Variants in UTP6 observed in about 807,000 individuals in gnomAD.
The protein encoded by UTP6 is UTP6 small subunit processome component, also known as U3 small nucleolar RNA-associated protein 6 homolog.
UTP6 carries 60 observed loss-of-function variants against 96.5 expected under a neutral mutation model. The ratio of observed to expected loss-of-function variants is 0.62; its 90% confidence interval spans 0.51 to 0.77. The LOEUF is 0.77. Ranked by LOEUF, UTP6 falls within the 30% of genes least tolerant of loss-of-function variation. The probability of loss-of-function intolerance (pLI) is 0.00; values close to 1 mark genes in which losing one functional copy is unlikely to be tolerated. For synonymous variants in UTP6, 215 were observed against 240.1 expected (o/e 0.90, Z 0.96); for missense variants, 637 against 706.5 (o/e 0.90, Z 1.12).
intron 11 of UTP6, among the ~76,000 whole-genome samples, chr17:31,879,089 C>T (rs937889539): frequency 6.6e-6 from 1 of 152,116 alleles, no homozygotes; most frequent in African/African-American, 2.4e-5. Context: ...AAAATTAAAT[C>T]ACTTTCCAAA....
intron 17 of UTP6, among the ~76,000 whole-genome samples, chr17:31,866,993 T>G (rs1828889669): frequency 6.6e-6 from 1 of 151,698 alleles, no homozygotes; most frequent in African/African-American, 2.4e-5. Flanking sequence ...CACGGCATTA[T>G]GCAACGTCCT....
chr17:31,901,407 A>G, intron 1 of UTP6, 129 bp downstream of exon 1: 1 of 825,338 alleles, frequency 1.2e-6, no homozygotes, highest in Non-Finnish European at 2.0e-6. Flanking sequence ...ACCGAAAACG[A>G]GAAATGGGCT....
At chr17:31,895,098 A>C in intron 2 of UTP6, 87 bp from the exon 3 acceptor site, 1 of 966,228 alleles carries the variant, frequency 1.0e-6, no homozygotes, top group Non-Finnish European at 1.5e-6. Flanking sequence ...GTCATAAAAC[A>C]AAAATCGAGA....
Position 31,889,326 on chromosome 17 carries a change from C to G in UTP6, c.502G>C (p.Ala168Pro), listed in dbSNP as rs199527189. The change falls in exon 7 of 19, where the codon GCA becomes CCA. Residue 168 changes from alanine (A) to proline (P), a missense_variant. Ala to Pro is a conservative substitution (Grantham distance 27, BLOSUM62 -1). Coordinates refer to ENST00000261708, the MANE Select transcript of UTP6 (RefSeq NM_018428.3). ...GGGCACTCTGGATGAAAGCGCAGTGCGCGAAGAAATAGTTGCCTTGCGCTT... is the reference window on the plus strand; with the variant it reads ...GGGCACTCTGGATGAAAGCGCAGTGGGCGAAGAAATAGTTGCCTTGCGCTT... ...SESARQLFLR[A>P]LRFHPECPKL... The G allele has an allele frequency of 6.2e-7, 1 of 1,613,808 alleles. No homozygotes were observed. The highest frequency in any genetic ancestry group is 2.2e-5 in the East Asian group (1 of 44,866).
chr17:31,884,289 C>T (rs1911017008), intron 10 of UTP6, 135 bp downstream of exon 10: 3 of 679,234 alleles, frequency 4.4e-6, no homozygotes, highest in Non-Finnish European at 4.6e-6. Context: ...TGAGCCACTG[C>T]ACCCGGCCAA....
chr17:31,867,373 C>A (rs1167775664), intron 17 of UTP6, among the ~76,000 whole-genome samples: 1 of 151,528 alleles, frequency 6.6e-6, no homozygotes, highest in Non-Finnish European at 1.5e-5. Flanking sequence ...CAGGGCGTGG[C>A]AGCCCGTGCC....
At chr17:31,878,818 T>A (rs779020546) in intron 11 of UTP6, 37 bp from the exon 12 acceptor site, 2 of 1,581,480 alleles carry the variant, frequency 1.3e-6, no homozygotes, top group South Asian at 2.2e-5. Flanking sequence ...ATCAGATCAC[T>A]TAGTTCAACA....
intron 16 of UTP6, 21 bp from the exon 17 acceptor site, chr17:31,868,133 G>A (rs761434312): frequency 4.4e-6 from 7 of 1,605,730 alleles, no homozygotes; most frequent in East Asian, 2.2e-5. Flanking sequence ...AGGAGAAAAC[G>A]TTATCTTCAA....
At chr17:31,875,529 T>G (rs572547786) in intron 13 of UTP6, 116 bp from the exon 14 acceptor site, 2 of 1,246,084 alleles carry the variant, frequency 1.6e-6, no homozygotes, top group Admixed American at 5.4e-5. Context: ...CACTACAATT[T>G]AAAATAAAAA....
At chr17:31,886,198 T>C (rs1335802821) in intron 8 of UTP6, 137 bp from the exon 9 acceptor site, 2 of 659,336 alleles carry the variant, frequency 3.0e-6, no homozygotes, top group East Asian at 5.5e-5. Context: ...GCCAGTTCCC[T>C]CACTTGTAAA....
At chr17:31,898,066 C>A (rs753004345) in intron 2 of UTP6, among the ~76,000 whole-genome samples, 4 of 151,454 alleles carry the variant, frequency 2.6e-5, no homozygotes, top group African/African-American at 9.7e-5. Context: ...AATCTCTGAT[C>A]TACAAACCCA....
In UTP6 at chr17:31,863,283, A is replaced by T. The variant is rs1244510228; in HGVS notation, c.*76T>A. 3 of 1,498,714 alleles carry T rather than the reference A, an allele frequency of 2.0e-6. No homozygotes were observed. The highest frequency in any genetic ancestry group is 2.7e-6 in the Non-Finnish European group (3 of 1,094,772). The allele number at this position is 1,498,714 out of a possible 1,614,324, so 92.8% of individuals were successfully genotyped here. A position where few individuals can be genotyped will look rare whatever the true frequency, so the allele number is the denominator to read the frequency against. ...TGTCTGCCATCACTGAGCAAATTAC[A>T]GATGGACTCAATACAAATTTGCCCA... On this transcript the variant is annotated 3_prime_UTR_variant, in exon 19 of 19. Coordinates refer to ENST00000261708, the MANE Select transcript of UTP6 (RefSeq NM_018428.3).
Position 31,864,484 on chromosome 17 carries a change from C to T in UTP6, c.1636+882G>A, listed in dbSNP as rs149674560. Among the ~76,000 whole-genome samples, 23 of 152,302 alleles carry T rather than the reference C, an allele frequency of 1.5e-4. 1 individual carries two copies. Among genetic ancestry groups the T allele is most frequent in the African/African-American group, 5.1e-4 (21 of 41,570 alleles). On this transcript the variant is annotated intron_variant, in intron 18 of 18. Coordinates refer to ENST00000261708, the MANE Select transcript of UTP6 (RefSeq NM_018428.3). ...TACCCAGAAGTATGTTGTACAAGTCCTACAAATGAGGGCAATGTGGAGATA... is the reference window on the plus strand; with the variant it reads ...TACCCAGAAGTATGTTGTACAAGTCTTACAAATGAGGGCAATGTGGAGATA...
chr17:31,880,806 A>C lies in UTP6; in HGVS notation c.786-52T>G, dbSNP rs769868401. Reference sequence around the variant, plus strand: ...ATCCCACAACAAGAAACTGACTCAGAATATCAGAGAAACAGTTACCTGTGC... The same window carrying C: ...ATCCCACAACAAGAAACTGACTCAGCATATCAGAGAAACAGTTACCTGTGC... On this transcript the variant is annotated intron_variant, in intron 10 of 18. Transcript: ENST00000261708. 44 of 1,605,446 alleles carry C rather than the reference A, an allele frequency of 2.7e-5. No homozygotes were observed. The Middle Eastern group carries it at 7.1e-4, about 26-fold the overall frequency.
chr17:31,874,763 C>G (rs1910392506), intron 14 of UTP6, among the ~76,000 whole-genome samples: 1 of 151,916 alleles, frequency 6.6e-6, no homozygotes, highest in South Asian at 2.1e-4. Flanking sequence ...GATATCCTGT[C>G]TCTACTAAAA....
chr17:31,901,412 T>C (rs1904972105), intron 1 of UTP6, 124 bp downstream of exon 1: 4 of 850,944 alleles, frequency 4.7e-6, no homozygotes, highest in Non-Finnish European at 7.5e-6. Context: ...AAACGAGAAA[T>C]GGGCTTCCAC....
At chr17:31,879,209 G>T (rs1444683736) in intron 11 of UTP6, among the ~76,000 whole-genome samples, 1 of 152,054 alleles carries the variant, frequency 6.6e-6, no homozygotes, top group Non-Finnish European at 1.5e-5. Context: ...GGCCAACGTG[G>T]TGAAACCTCA....
chr17:31,893,835 A>C (rs1023367108), intron 4 of UTP6, among the ~76,000 whole-genome samples: 2 of 151,938 alleles, frequency 1.3e-5, no homozygotes, highest in East Asian at 3.9e-4. Context: ...CTTAACTATG[A>C]TAATTCAACC....
At chr17:31,893,496 C>T (rs1239496339) in intron 4 of UTP6, among the ~76,000 whole-genome samples, 1 of 149,872 alleles carries the variant, frequency 6.7e-6, no homozygotes, top group East Asian at 2.0e-4. Flanking sequence ...CTTTTGGAGG[C>T]TGAGGCAGGT....
Sources: gnomAD v4.1 joint callset for allele counts (sites outside exome capture counted in the v4.1 genomes callset) on GRCh38, gnomAD v4.1.1 for gene constraint, MANE v1.5 for transcripts, NCBI Gene and HGNC (gene_info 2026-07-23, HGNC 2026-07-21) for gene names.